LDB3: variants seen among roughly 807,000 people sequenced by gnomAD.
The protein encoded by LDB3 is LIM domain-binding protein 3.
LDB3 carries 49 observed loss-of-function variants against 69.0 expected under a neutral mutation model. That is an observed-to-expected ratio of 0.71 (90% confidence interval 0.56 to 0.90). The LOEUF (loss-of-function observed/expected upper bound fraction) is 0.90, where lower values mean the gene tolerates loss of function less well. Ranked by LOEUF, LDB3 falls within the 40% of genes least tolerant of loss-of-function variation. The pLI, the probability that LDB3 is intolerant of heterozygous loss-of-function variation, is 0.00. For synonymous variants in LDB3, 387 were observed against 396.2 expected (o/e 0.98, Z 0.28); for missense variants, 928 against 974.1 (o/e 0.95, Z 0.63).
At chr10:86,685,625 C>G in intron 5 of LDB3, 1 of 1,603,452 alleles carries the variant, frequency 6.2e-7, no homozygotes, top group South Asian at 1.1e-5. Context: ...CAAACTGCCC[C>G]TGGTGGAGCC....
chr10:86,672,900 T>C (rs1844568369), intron 2 of LDB3, among the ~76,000 whole-genome samples: 1 of 152,202 alleles, frequency 6.6e-6, no homozygotes, highest in Non-Finnish European at 1.5e-5. Context: ...GTAGCCAGTG[T>C]CAGGACTGCA....
In LDB3 at chr10:86,699,701, C is replaced by A. The variant is rs1589656910; in HGVS notation, c.897-6830C>A. On this transcript the variant is annotated intron_variant, in intron 7 of 13. Transcript: ENST00000361373. The surrounding 1 kb of genome is among the most constrained non-coding windows in gnomAD (Gnocchi z 4.9). ...AGGAGGGGTTTGCTGGCATAACACC[C>A]CAGAACCAAGGGAAATGGATGGGCC... The A allele has an allele frequency of 1.7e-6, 2 of 1,186,914 alleles. No homozygotes were observed. Among genetic ancestry groups the A allele is most frequent in the Non-Finnish European group, 2.1e-6 (2 of 946,676 alleles). 73.5% of individuals were successfully genotyped at this position (1,186,914 alleles called of 1,614,324 possible).
intron 12 of LDB3, among the ~76,000 whole-genome samples, chr10:86,723,608 G>A (rs907596540): frequency 1.3e-5 from 2 of 152,164 alleles, no homozygotes; most frequent in East Asian, 1.9e-4. Context: ...AGGTGGAGAC[G>A]GGTCAGCCCA....
intron 10 of LDB3, among the ~76,000 whole-genome samples, chr10:86,717,436 C>T (rs188757321): frequency 6.6e-6 from 1 of 152,318 alleles, no homozygotes; most frequent in Non-Finnish European, 1.5e-5. Flanking sequence ...TGACTGCTAA[C>T]CTGGAACTAG....
At chr10:86,716,275 G>A in intron 9 of LDB3, 52 bp from the exon 10 acceptor site, 1 of 1,595,526 alleles carries the variant, frequency 6.3e-7, no homozygotes, top group Non-Finnish European at 8.6e-7. Flanking sequence ...GGGGAACTGG[G>A]AAGAATGAAT....
chr10:86,681,511 C>T lies in LDB3; in HGVS notation c.397C>T (p.Pro133Ser), dbSNP rs781348017. 2 of 1,611,734 alleles carry T rather than the reference C, an allele frequency of 1.2e-6. No homozygotes were observed. Among genetic ancestry groups the T allele is most frequent in the South Asian group, 1.1e-5 (1 of 91,062 alleles). ...SPEARASPGT[P>S]GTPELRPTFS... ...TGAGGCGAGGGCCAGCCCAGGCACCCCAGGCACCCCGGAGCTCAGGCCCAC... is the reference window on the plus strand; with the variant it reads ...TGAGGCGAGGGCCAGCCCAGGCACCTCAGGCACCCCGGAGCTCAGGCCCAC... The change falls in exon 5 of 14, where the codon CCA becomes TCA. Residue 133 changes from proline (P) to serine (S), a missense_variant. Coordinates refer to ENST00000361373, the MANE Select transcript of LDB3 (RefSeq NM_007078.3).
intron 9 of LDB3, among the ~76,000 whole-genome samples, chr10:86,712,414 A>AG (rs1339322891): frequency 6.6e-6 from 1 of 152,172 alleles, no homozygotes; most frequent in East Asian, 1.9e-4. Context: ...TTTACTTGAA[A>AG]GGGGGCGTAC....
intron 13 of LDB3, among the ~76,000 whole-genome samples, chr10:86,726,612 C>T (rs569029474): frequency 2.4e-4 from 36 of 152,224 alleles, no homozygotes; most frequent in Non-Finnish European, 3.8e-4. Context: ...TATGTCACTT[C>T]AGATATGATG....
At chr10:86,693,985 C>T (rs1484601658) in intron 7 of LDB3, among the ~76,000 whole-genome samples, 3 of 152,228 alleles carry the variant, frequency 2.0e-5, no homozygotes, top group Non-Finnish European at 4.4e-5. Flanking sequence ...TTTCTCCCTC[C>T]TCTGAGACCC....
intron 2 of LDB3, among the ~76,000 whole-genome samples, chr10:86,671,693 C>G (rs1844486808): frequency 6.6e-6 from 1 of 152,216 alleles, no homozygotes; most frequent in Admixed American, 6.5e-5. Flanking sequence ...GGGGTCTCAC[C>G]TCTTCATGCC....
chr10:86,669,785 G>C (rs1045722689), intron 2 of LDB3, among the ~76,000 whole-genome samples: 1 of 152,244 alleles, frequency 6.6e-6, no homozygotes. Context: ...AAGGCCAGAG[G>C]GGGAGGCCCC....
chr10:86,724,373 G>C (rs1175558308), intron 12 of LDB3, among the ~76,000 whole-genome samples: 1 of 152,056 alleles, frequency 6.6e-6, no homozygotes. Flanking sequence ...GGGAGGCAGA[G>C]GCAGGTGGAT....
intron 9 of LDB3, among the ~76,000 whole-genome samples, chr10:86,711,450 G>A (rs956469103): frequency 6.6e-6 from 1 of 152,052 alleles, no homozygotes; most frequent in Admixed American, 6.5e-5. Context: ...GGCGCGCGCT[G>A]GAGTCGGCCT....
intron 7 of LDB3, among the ~76,000 whole-genome samples, chr10:86,704,068 C>A (rs1308538008): frequency 6.6e-6 from 1 of 151,280 alleles, no homozygotes; most frequent in African/African-American, 2.4e-5. Flanking sequence ...GAGCCGAGAT[C>A]GCGACATTGC....
chr10:86,706,931 G>A (rs1846466980), intron 8 of LDB3, among the ~76,000 whole-genome samples: 1 of 152,122 alleles, frequency 6.6e-6, no homozygotes, highest in Admixed American at 6.5e-5. Context: ...CTGTCACTCT[G>A]CCCCCCAGGG....
chr10:86,675,537 G>T lies in LDB3; in HGVS notation c.94-3830G>T, dbSNP rs568055357. ...GCAGGGGGACGACCCCTTCTCTGTAGATGGGCATTTGGGGGTGCCCTGCCG... is the reference window on the plus strand; with the variant it reads ...GCAGGGGGACGACCCCTTCTCTGTATATGGGCATTTGGGGGTGCCCTGCCG... On this transcript the variant is annotated intron_variant, in intron 2 of 13. Transcript: ENST00000361373. Among the ~76,000 whole-genome samples, 499 of 152,376 alleles carry T rather than the reference G, an allele frequency of 3.3e-3. 2 individuals are homozygous for T. Among genetic ancestry groups the T allele is most frequent in the Non-Finnish European group, 5.3e-3 (362 of 68,026 alleles).
chr10:86,731,373 C>T lies in LDB3; in HGVS notation c.2095-1514C>T, dbSNP rs573919391. On this transcript the variant is annotated intron_variant, in intron 13 of 13. Transcript: ENST00000361373. The stretch of plus-strand genomic sequence containing the variant: ...CTGAGTAGCTGGGATTACCAGTGCG[C>T]ACCACCACACCCGGCTAATTTTTGT... 4.0e-5 allele frequency among the ~76,000 whole-genome samples: 6 copies of T among 151,508 alleles called. No homozygotes were observed. The South Asian group carries it at 1.3e-3, about 32-fold the overall frequency.
intron 12 of LDB3, 46 bp from the exon 13 acceptor site, chr10:86,726,091 G>A (rs745524224): frequency 1.5e-5 from 22 of 1,435,062 alleles, no homozygotes; most frequent in South Asian, 9.2e-5. Flanking sequence ...TTGGGTCCCC[G>A]CTGCCCCCAC....
rs373181290 is a variant in LDB3 at position 86,727,538 on chromosome 10, A to G, written c.2094+1286A>G. On this transcript the variant is annotated intron_variant, in intron 13 of 13. Transcript: ENST00000361373. Reference sequence around the variant, plus strand: ...GCCATCTGTGGGACACACTGTATTCACTCTGTGTGTCGGTTTGCTAGGGCT... The same window carrying G: ...GCCATCTGTGGGACACACTGTATTCGCTCTGTGTGTCGGTTTGCTAGGGCT... Among the ~76,000 whole-genome samples, 12 of 152,142 alleles carry G rather than the reference A, an allele frequency of 7.9e-5. 1 individual carries two copies. Among genetic ancestry groups the G allele is most frequent in the African/African-American group, 2.9e-4 (12 of 41,494 alleles).
Sources: gnomAD v4.1 joint callset for allele counts (sites outside exome capture counted in the v4.1 genomes callset) on GRCh38, gnomAD v4.1.1 for gene constraint, Gnocchi (gnomAD v3.1) non-coding constraint, MANE v1.5 for transcripts, NCBI Gene and HGNC (gene_info 2026-07-23, HGNC 2026-07-21) for gene names.